Variants in TCF7L2 observed in about 807,000 individuals in gnomAD.
TCF7L2 encodes the protein transcription factor 7-like 2.
TCF7L2 carries 23 observed loss-of-function variants against 77.9 expected under a neutral mutation model. That is an observed-to-expected ratio of 0.30 (90% CI 0.21 to 0.42). The LOEUF (loss-of-function observed/expected upper bound fraction) is 0.42, where lower values mean the gene tolerates loss of function less well. Ranked by LOEUF, TCF7L2 falls within the 10% of genes least tolerant of loss-of-function variation. TCF7L2 has a pLI of 1.00. For missense variants in TCF7L2, 654 were observed against 793.1 expected (o/e 0.82, Z 2.11); for synonymous variants, 413 against 340.2 (o/e 1.21, Z -2.36).
At chr10:113,002,375 A>T (rs1049107555) in intron 4 of TCF7L2, among the ~76,000 whole-genome samples, 1 of 152,172 alleles carries the variant, frequency 6.6e-6, no homozygotes, top group Non-Finnish European at 1.5e-5. Context: ...GGCAATGTCT[A>T]GAGACATTTA....
chr10:113,056,120 G>A (rs951360650), intron 5 of TCF7L2, among the ~76,000 whole-genome samples: 2 of 152,198 alleles, frequency 1.3e-5, no homozygotes, highest in Non-Finnish European at 2.9e-5. Flanking sequence ...TGGGACAGAA[G>A]CTTTCTATAT....
chr10:113,104,813 T>C (rs1011826603), intron 5 of TCF7L2, among the ~76,000 whole-genome samples: 5 of 152,176 alleles, frequency 3.3e-5, no homozygotes, highest in African/African-American at 1.2e-4. Context: ...GGTCCCAGGC[T>C]AGGGTCTAAG....
intron 5 of TCF7L2, among the ~76,000 whole-genome samples, chr10:113,128,211 A>G (rs1374735110): frequency 1.3e-5 from 2 of 152,156 alleles, no homozygotes; most frequent in African/African-American, 4.8e-5. Context: ...AGGGCCTTAA[A>G]GATTGCTGCC....
intron 5 of TCF7L2, among the ~76,000 whole-genome samples, chr10:113,044,510 C>T (rs1324593594): frequency 6.6e-6 from 1 of 152,192 alleles, no homozygotes; most frequent in African/African-American, 2.4e-5. Context: ...CTCTGTGCTG[C>T]CTGCTGAGCA....
chr10:112,953,229 C>G (rs1321422378), intron 3 of TCF7L2, among the ~76,000 whole-genome samples: 3 of 152,008 alleles, frequency 2.0e-5, no homozygotes, highest in Non-Finnish European at 4.4e-5. Context: ...TTTTTTATGG[C>G]TAGGGAAGAG....
At chr10:113,079,057 C>T (rs1379486717) in intron 5 of TCF7L2, among the ~76,000 whole-genome samples, 1 of 151,888 alleles carries the variant, frequency 6.6e-6, no homozygotes, top group South Asian at 2.1e-4. Context: ...TGGTCTCAAA[C>T]TCCTGACCTT....
At chr10:113,142,999 A>T (rs925994142) in intron 6 of TCF7L2, among the ~76,000 whole-genome samples, 5 of 152,210 alleles carry the variant, frequency 3.3e-5, no homozygotes, top group Non-Finnish European at 5.9e-5. Flanking sequence ...TGAATTTTTT[A>T]AAAAATGAAG....
rs759564727 is a variant in TCF7L2 at position 113,166,091 on chromosome 10, C to T, written c.*119C>T. The T allele has an allele frequency of 2.8e-4, 249 of 900,786 alleles. No individual in the cohort carries two copies. Among genetic ancestry groups the T allele is most frequent in the Non-Finnish European group, 3.5e-4 (231 of 661,478 alleles). 55.8% of individuals were successfully genotyped at this position (900,786 alleles called of 1,614,324 possible). ...ACTCTCTTAATTTTGTGCCATGTGG[C>T]TACATTAGTTGATGTTTATCGAGTT... On this transcript the variant is annotated 3_prime_UTR_variant, in exon 14 of 14. Transcript: ENST00000627217.
intron 4 of TCF7L2, among the ~76,000 whole-genome samples, chr10:112,991,005 G>C (rs1322730929): frequency 6.6e-6 from 1 of 152,152 alleles, no homozygotes; most frequent in Non-Finnish European, 1.5e-5. Flanking sequence ...TCTTCCCGAG[G>C]TGAGTTCTGC....
intron 5 of TCF7L2, among the ~76,000 whole-genome samples, chr10:113,127,460 A>G (rs1369809294): frequency 1.3e-5 from 2 of 152,186 alleles, no homozygotes; most frequent in Non-Finnish European, 2.9e-5. Flanking sequence ...GGACCGTGGA[A>G]TGTAAATGAG....
At chr10:113,119,098 A>T (rs2064347907) in intron 5 of TCF7L2, among the ~76,000 whole-genome samples, 1 of 152,182 alleles carries the variant, frequency 6.6e-6, no homozygotes, top group Non-Finnish European at 1.5e-5. Flanking sequence ...AGTTAATAAG[A>T]TTGACTTCGT....
At chr10:113,014,228 T>C (rs989611020) in intron 4 of TCF7L2, among the ~76,000 whole-genome samples, 1 of 152,178 alleles carries the variant, frequency 6.6e-6, no homozygotes, top group African/African-American at 2.4e-5. Context: ...ACGCTCTGCA[T>C]TCTCTTCCTA....
intron 4 of TCF7L2, among the ~76,000 whole-genome samples, chr10:112,997,257 G>A (rs1347986600): frequency 6.6e-6 from 1 of 152,248 alleles, no homozygotes; most frequent in Non-Finnish European, 1.5e-5. Flanking sequence ...AGGTACGCTG[G>A]TTTAGACAGA....
intron 5 of TCF7L2, among the ~76,000 whole-genome samples, chr10:113,116,340 C>T (rs1184320716): frequency 1.3e-5 from 2 of 152,084 alleles, no homozygotes; most frequent in Non-Finnish European, 2.9e-5. Context: ...GGACTTTGTT[C>T]CCTCTGAATT....
At chr10:113,067,923 G>A (rs2057459771) in intron 5 of TCF7L2, among the ~76,000 whole-genome samples, 2 of 152,060 alleles carry the variant, frequency 1.3e-5, no homozygotes, top group Admixed American at 1.3e-4. Flanking sequence ...GTAGACAGGG[G>A]CTCATAATCT....
rs1428588505 is a variant in TCF7L2, at chr10:113,166,150, T to C, written c.*178T>C. 4 of 535,946 alleles carry C rather than the reference T, an allele frequency of 7.5e-6. No individual in the cohort carries two copies. The Admixed American group carries it at 1.2e-4, about 16-fold the overall frequency. 33.2% of individuals were successfully genotyped at this position (535,946 alleles called of 1,614,324 possible). ...AATATTTGACCCATTCTTATTTCAA[T>C]TTCTCCTTTTAAATATGTAGATGAG... On this transcript the variant is annotated 3_prime_UTR_variant, in exon 14 of 14. Coordinates refer to ENST00000627217, the MANE Select transcript of TCF7L2 (RefSeq NM_001146274.2).
chr10:113,031,774 C>T (rs981224698), intron 4 of TCF7L2, among the ~76,000 whole-genome samples: 1 of 152,182 alleles, frequency 6.6e-6, no homozygotes, highest in East Asian at 1.9e-4. Context: ...CAGGCATGAG[C>T]CACTGTGTCT....
chr10:113,114,434 C>G (rs2136152844), intron 5 of TCF7L2, among the ~76,000 whole-genome samples: 1 of 152,104 alleles, frequency 6.6e-6, no homozygotes, highest in South Asian at 2.1e-4. Flanking sequence ...AGAATACATC[C>G]CTTGATATCT....
At chr10:113,088,585 A>G (rs1357957590) in intron 5 of TCF7L2, among the ~76,000 whole-genome samples, 2 of 152,180 alleles carry the variant, frequency 1.3e-5, no homozygotes, top group African/African-American at 4.8e-5. Flanking sequence ...GGATCTTTCA[A>G]GGGGTCCAGA....
Sources: gnomAD v4.1 joint callset for allele counts (sites outside exome capture counted in the v4.1 genomes callset) on GRCh38, gnomAD v4.1.1 for gene constraint, MANE v1.5 for transcripts, NCBI Gene and HGNC (gene_info 2026-07-23, HGNC 2026-07-21) for gene names.